Variants in SALL1 observed in about 807,000 individuals in gnomAD.
SALL1 encodes the protein sal-like protein 1.
SALL1 carries 10 observed loss-of-function variants against 73.1 expected under a neutral mutation model. The observed-to-expected ratio is 0.14, with a 90% confidence interval of 0.08 to 0.23. The LOEUF (loss-of-function observed/expected upper bound fraction) is 0.23, where lower values mean the gene tolerates loss of function less well. Ranked by LOEUF, SALL1 falls within the 10% of genes least tolerant of loss-of-function variation. SALL1 has a pLI of 1.00. For synonymous variants in SALL1, 688 were observed against 689.8 expected (o/e 1.00, Z 0.04); for missense variants, 1,520 against 1,697.3 (o/e 0.90, Z 1.84).
chr16:51,137,212 G>C lies in SALL1; in HGVS notation c.3875C>G (p.Ala1292Gly). The change falls in exon 3 of 3, where the codon GCT (alanine) becomes GGT (glycine). Residue 1292 changes from alanine (A) to glycine (G), a missense_variant. Ala to Gly is a moderately conservative substitution (Grantham distance 60, BLOSUM62 0). Around this residue, in one of 7 missense-constraint regions of SALL1, gnomAD observed 318 missense variants for 357.1 expected, o/e 0.89. Coordinates refer to ENST00000251020, the MANE Select transcript of SALL1 (RefSeq NM_002968.3). ...CATTTTCTCCAGGCCGGCCAGGGGA[G>C]CATTGGGCTCTGAGTTCTGGAGCCT... ...LERLQNSEPN[A>G]PLAGLEKMAS... The C allele has an allele frequency of 6.2e-7, 1 of 1,614,122 alleles. No homozygotes were observed. Among genetic ancestry groups the C allele is most frequent in the Non-Finnish European group, 8.5e-7 (1 of 1,179,998 alleles).
intron 2 of SALL1, among the ~76,000 whole-genome samples, chr16:51,138,013 G>A (rs537782630): frequency 1.3e-5 from 2 of 152,290 alleles, no homozygotes; most frequent in Admixed American, 6.5e-5. Context: ...GAGGGCCTGC[G>A]TATGGAGAGA....
chr16:51,141,442 C>T lies in SALL1; in HGVS notation c.780G>A (p.Gln260=). The change falls in exon 2 of 3, where the codon CAG becomes CAA. Residue 260 remains glutamine (Q), a synonymous_variant. Coordinates refer to ENST00000251020, the MANE Select transcript of SALL1 (RefSeq NM_002968.3). The surrounding 1 kb of genome is among the most constrained non-coding windows in gnomAD (Gnocchi z 5.4). ...TAGAAGATGTTGGCAAGTCTGCATT[C>T]TGAGAAGCCAACAGCAATATTTGGT... ...IRHQILLLAS[Q]NADLPTSSSP... 1 of 1,614,188 alleles carries T rather than the reference C, an allele frequency of 6.2e-7. No individual in the cohort carries two copies. The highest frequency in any genetic ancestry group is 8.5e-7 in the Non-Finnish European group (1 of 1,180,038).
At chr16:51,151,861 C>T (rs1962621020), upstream of SALL1, among the ~76,000 whole-genome samples, 1 of 151,114 alleles carries the variant, frequency 6.6e-6, no homozygotes, top group Non-Finnish European at 1.5e-5. Context: ...GGGCTGCCGG[C>T]GCGCTGCGAA....
intron 1 of SALL1, chr16:51,143,535 A>G (rs866166896): frequency 1.2e-5 from 2 of 161,074 alleles, no homozygotes. Flanking sequence ...AACTTGCAGA[A>G]AACAAAGTAA....
chr16:51,145,251 C>T (rs1474432649), intron 1 of SALL1, among the ~76,000 whole-genome samples: 2 of 151,368 alleles, frequency 1.3e-5, no homozygotes, highest in Non-Finnish European at 3.0e-5. Context: ...CACGTACACA[C>T]GAACATGTTA....
In SALL1 at chr16:51,139,006, G is replaced by A; in HGVS notation, c.3216C>T (p.Asn1072=). 1.2e-6 allele frequency: 2 copies of A among 1,614,200 alleles called. No individual in the cohort carries two copies. The highest frequency in any genetic ancestry group is 2.2e-5 in the East Asian group (1 of 44,868). Residue 1072 remains asparagine (N), a synonymous_variant, in exon 2 of 3, where the codon AAC becomes AAT. Coordinates refer to ENST00000251020, the MANE Select transcript of SALL1 (RefSeq NM_002968.3). ...EPSSNLGPNQ[N]SAVIPANSLS... Reference sequence around the variant, plus strand: ...ACGAGTTGGCGGGAATCACCGCTGAGTTCTGATTGGGGCCAAGGTTGGAAC... The same window carrying A: ...ACGAGTTGGCGGGAATCACCGCTGAATTCTGATTGGGGCCAAGGTTGGAAC...
Position 51,151,199 on chromosome 16 carries a change from C to T in SALL1, c.43G>A (p.Asp15Asn), listed in dbSNP as rs886052085. The part of the protein sequence containing the change: ...KQAKPQHFQS[D>N]PEVASLPRRD... ...CGGGGGAGCGAGGCCACTTCGGGGT[C>T]GGATTGGAAATGTTGAGGCTTCGCT... is the stretch of plus-strand genomic sequence containing the variant. The change falls in exon 1 of 3, where the codon GAC becomes AAC. Residue 15 changes from aspartate to asparagine, a missense_variant. Asp to Asn is a conservative substitution (Grantham distance 23). Around this residue, in one of 7 missense-constraint regions of SALL1, gnomAD observed 540 missense variants for 567.5 expected, o/e 0.95. Transcript: ENST00000251020. The T allele has an allele frequency of 6.2e-7, 1 of 1,601,700 alleles. No homozygotes were observed. The highest frequency in any genetic ancestry group is 2.3e-5 in the East Asian group (1 of 44,256).
chr16:51,140,250 A>G lies in SALL1; in HGVS notation c.1972T>C (p.Phe658Leu). The G allele has an allele frequency of 6.2e-7, 1 of 1,614,150 alleles. No homozygotes were observed. Among genetic ancestry groups the G allele is most frequent in the Non-Finnish European group, 8.5e-7 (1 of 1,180,034 alleles). ...ATGAGCGGCAACAAAGGGTTGGTGAAGGTGGTGGCACTGCCCGCGGGGCCG... is the reference window on the plus strand; with the variant it reads ...ATGAGCGGCAACAAAGGGTTGGTGAGGGTGGTGGCACTGCCCGCGGGGCCG... ...DCGPAGSATT[F>L]TNPLLPLMSE... Residue 658 changes from phenylalanine (F) to leucine (L), a missense_variant, in exon 2 of 3, where the codon TTC becomes CTC. This residue lies in a region of SALL1 where 276 missense variants were observed against 259.1 expected (regional missense o/e 1.07). Transcript: ENST00000251020. This position sits in a 1 kb window ranked among gnomAD's most constrained non-coding sequence, Gnocchi z 5.7.
rs191255540 is a variant in SALL1 at position 51,146,711 on chromosome 16, T to C, written c.76+4455A>G. 1.7e-3 allele frequency among the ~76,000 whole-genome samples: 257 copies of C among 152,268 alleles called. 1 individual carries two copies. Among genetic ancestry groups the C allele is most frequent in the African/African-American group, 5.8e-3 (243 of 41,556 alleles). ...CACTGGGAAGATACTGAAGGACATA[T>C]TATGATCTGGACCTTGTCACCTTTG... On this transcript the variant is annotated intron_variant, in intron 1 of 2. Transcript: ENST00000251020.
At chr16:51,146,400 CTTCT>C (rs1370514191) in intron 1 of SALL1, among the ~76,000 whole-genome samples, 4 of 152,164 alleles carry the variant, frequency 2.6e-5, no homozygotes, top group Non-Finnish European at 4.4e-5. Context: ...TGTTCAAAAA[CTTCT>C]TTGTGGCTTT....
chr16:51,140,498 G>C lies in SALL1; in HGVS notation c.1724C>G (p.Pro575Arg). 2 of 1,613,992 alleles carry C rather than the reference G, an allele frequency of 1.2e-6. No homozygotes were observed. The highest frequency in any genetic ancestry group is 1.7e-6 in the Non-Finnish European group (2 of 1,179,948). Residue 575 changes from proline to arginine, a missense_variant, in exon 2 of 3, where the codon CCA (proline) becomes CGA (arginine). Coordinates refer to ENST00000251020, the MANE Select transcript of SALL1 (RefSeq NM_002968.3). The surrounding 1 kb of genome is among the most constrained non-coding windows in gnomAD (Gnocchi z 5.7). ...SLIPFIKTEE[P>R]APIPISHSAT... ...AGAATGGCTGATGGGGATGGGGGCT[G>C]GCTCTTCCGTCTTGATGAAGGGTAT...
intron 2 of SALL1, among the ~76,000 whole-genome samples, chr16:51,138,074 GA>G: frequency 6.6e-6 from 1 of 152,328 alleles, no homozygotes; most frequent in South Asian, 2.1e-4. Flanking sequence ...AATCTCCAGA[GA>G]AATACTCTGT....
Position 51,140,997 on chromosome 16 carries a change from T to A in SALL1, c.1225A>T (p.Ile409Phe). The A allele has an allele frequency of 6.2e-7, 1 of 1,614,250 alleles. No homozygotes were observed. Among genetic ancestry groups the A allele is most frequent in the Non-Finnish European group, 8.5e-7 (1 of 1,180,052 alleles). ...TTTAAATCCTCTGCAGTTGTTCCGA[T>A]GTTGGGCAAAGGGCTGGGGAAAACC... ...NSVFPSPLPN[I>F]GTTAEDLNSL... The change falls in exon 2 of 3, where the codon ATC (isoleucine) becomes TTC (phenylalanine). Residue 409 changes from isoleucine (I) to phenylalanine (F), a missense_variant. This residue lies in a region of SALL1 where 540 missense variants were observed against 567.5 expected (regional missense o/e 0.95). Transcript: ENST00000251020. The surrounding 1 kb of genome is among the most constrained non-coding windows in gnomAD (Gnocchi z 5.7).
chr16:51,139,528 C>T lies in SALL1; in HGVS notation c.2694G>A (p.Leu898=), dbSNP rs13336963. ...VENGSIEGDV[L]TNDSSSVGGD... ...CACCCACTGAGGATGAATCATTGGT[C>T]AGGACATCCCCCTCGATGGACCCAT... Residue 898 remains leucine, a synonymous_variant, in exon 2 of 3, where the codon CTG becomes CTA. Coordinates refer to ENST00000251020, the MANE Select transcript of SALL1 (RefSeq NM_002968.3). 3.7e-6 allele frequency: 6 copies of T among 1,614,096 alleles called. No homozygotes were observed. In the African/African-American group the frequency reaches 8.0e-5, roughly 22 times the overall value.
At chr16:51,147,780 A>AACACACACACACACACACACACAC (rs145285801) in intron 1 of SALL1, among the ~76,000 whole-genome samples, 10 of 146,310 alleles carry the variant, frequency 6.8e-5, no homozygotes, top group Non-Finnish European at 1.1e-4. Context: ...GAAGAACTCC[A>AACACACACACACACACACACACAC]ACACACACAC....
chr16:51,140,944 T>A lies in SALL1; in HGVS notation c.1278A>T (p.Arg426Ser). 6.2e-7 allele frequency: 1 copy of A among 1,614,260 alleles called. No individual in the cohort carries two copies. ...CAGTGACATTTGGTGGCTTGCTTTT[T>A]CTTTGCTGGGCCAAGGCAGACAAGG... Reference protein sequence around the residue: ...LNSLSALAQQRKSKPPNVTAF... With the variant: ...LNSLSALAQQSKSKPPNVTAF... The change falls in exon 2 of 3, where the codon AGA becomes AGT. Residue 426 changes from arginine to serine, a missense_variant. Around this residue, in one of 7 missense-constraint regions of SALL1, gnomAD observed 540 missense variants for 567.5 expected, o/e 0.95. Coordinates refer to ENST00000251020, the MANE Select transcript of SALL1 (RefSeq NM_002968.3). The surrounding 1 kb of genome is among the most constrained non-coding windows in gnomAD (Gnocchi z 5.7).
rs760393835 is a variant in SALL1, at chr16:51,137,089, C to T, written c.*23G>A. 12 of 1,613,296 alleles carry T rather than the reference C, an allele frequency of 7.4e-6. No homozygotes were observed. The South Asian group carries it at 8.8e-5, about 12-fold the overall frequency. ...GTCGCATTCTGAACAGGAATGAATG[C>T]TATGTCTCCAGCCCGAGCTGCTTTA... On this transcript the variant is annotated 3_prime_UTR_variant, in exon 3 of 3. Coordinates refer to ENST00000251020, the MANE Select transcript of SALL1 (RefSeq NM_002968.3).
chr16:51,151,733 C>G (rs1962614431), upstream of SALL1, among the ~76,000 whole-genome samples: 1 of 150,136 alleles, frequency 6.7e-6, no homozygotes, highest in Non-Finnish European at 1.5e-5. Context: ...TCCCTCTTCC[C>G]TCCCTCCTTC....
Position 51,137,422 on chromosome 16 carries a change from G to C in SALL1, c.3665C>G (p.Ala1222Gly). 1 of 1,614,064 alleles carries C rather than the reference G, an allele frequency of 6.2e-7. No homozygotes were observed. Among genetic ancestry groups the C allele is most frequent in the African/African-American group, 1.3e-5 (1 of 74,986 alleles). ...AGGATCCCCACTTCCTGATCTTGCC[G>C]CCAAATCCTTCTGGAACATTTCTGG... ...KFPEMFQKDL[A>G]ARSGSGDPSS... Residue 1222 changes from alanine to glycine, a missense_variant, in exon 3 of 3, where the codon GCG (alanine) becomes GGG (glycine). Around this residue, in one of 7 missense-constraint regions of SALL1, gnomAD observed 318 missense variants for 357.1 expected, o/e 0.89. Coordinates refer to ENST00000251020, the MANE Select transcript of SALL1 (RefSeq NM_002968.3).
Sources: gnomAD v4.1 joint callset for allele counts (sites outside exome capture counted in the v4.1 genomes callset) on GRCh38, gnomAD v4.1.1 for gene constraint, gnomAD v4.1.1 regional missense constraint, Gnocchi (gnomAD v3.1) non-coding constraint, MANE v1.5 for transcripts, NCBI Gene and HGNC (gene_info 2026-07-23, HGNC 2026-07-21) for gene names.